Variants in NFKBIZ observed in about 807,000 individuals in gnomAD.
The protein encoded by NFKBIZ is NFKB inhibitor zeta.
In NFKBIZ, 19 loss-of-function variants were observed where a neutral mutation model predicts 76.8. The ratio of observed to expected loss-of-function variants is 0.25; its 90% CI spans 0.17 to 0.36. The LOEUF is 0.36. NFKBIZ is among the 10% of genes least tolerant of loss of function. The pLI, the probability that NFKBIZ is intolerant of heterozygous loss-of-function variation, is 1.00. For missense variants in NFKBIZ, 829 were observed against 910.9 expected, an observed-to-expected ratio of 0.91 and a Z score of 1.16; for synonymous variants, 368 against 354.8, an observed-to-expected ratio of 1.04 and a Z score of -0.42.
At chr3:101,848,182 TA>T (rs1193209199), upstream of NFKBIZ, among the ~76,000 whole-genome samples, 1 of 152,212 alleles carries the variant, frequency 6.6e-6, no homozygotes, top group South Asian at 2.1e-4. Context: ...TTTGCCTACC[TA>T]AAATTCATGT....
At position 101,859,639 on chromosome 3, in the gene NFKBIZ, A is replaced by G. The variant is rs939558137; in HGVS notation, c.*268A>G. 16 of 283,812 alleles carry G rather than the reference A, an allele frequency of 5.6e-5. No homozygotes were observed. 17.6% of individuals were successfully genotyped at this position (283,812 alleles called of 1,614,324 possible). On this transcript the variant is annotated 3_prime_UTR_variant, in exon 12 of 12. Coordinates refer to ENST00000326172, the MANE Select transcript of NFKBIZ (RefSeq NM_031419.4). Reference sequence around the variant, plus strand: ...TCAATGGTAACATTGCCTTCAATTAACAGTAGCTTTTGAGTAGGAAAGGAC... The same window carrying G: ...TCAATGGTAACATTGCCTTCAATTAGCAGTAGCTTTTGAGTAGGAAAGGAC...
At chr3:101,828,298 T>G (rs920952608) in intron 1 of NFKBIZ, 1 of 152,214 alleles carries the variant, frequency 6.6e-6, no homozygotes, top group Admixed American at 6.5e-5. Context: ...CACTCTCCTA[T>G]GTTTGAGTAG....
intron 7 of NFKBIZ, 62 bp downstream of exon 7, chr3:101,855,270 G>A (rs1041020133): frequency 6.3e-7 from 1 of 1,599,260 alleles, no homozygotes; most frequent in African/African-American, 1.3e-5. Flanking sequence ...TTGGATATTA[G>A]AAGTCGGATA....
rs1214387880 is a variant in NFKBIZ, at chr3:101,852,779, C to A, written c.460+11C>A. The A allele has an allele frequency of 3.1e-6, 5 of 1,610,558 alleles. No homozygotes were observed. The highest frequency in any genetic ancestry group is 2.2e-5 in the East Asian group (1 of 44,868). ...TAGAACAGTTCAGAGGTAAGAGTTA[C>A]TTGTATTTGTAATTTTTTCAGGGCT... On this transcript the variant is annotated intron_variant, in intron 3 of 11. Transcript: ENST00000326172.
chr3:101,851,992 ATACAT>A (rs1942972404), intron 1 of NFKBIZ, 88 bp from the exon 2 acceptor site: 1 of 1,475,238 alleles, frequency 6.8e-7, no homozygotes, highest in Admixed American at 2.1e-5. Context: ...TGGGGACTTT[ATACAT>A]TAGGCAACAG....
At chr3:101,855,565 G>A (rs1380298759) in intron 8 of NFKBIZ, 107 bp downstream of exon 8, 3 of 1,299,286 alleles carry the variant, frequency 2.3e-6, no homozygotes, top group Non-Finnish European at 3.3e-6. Flanking sequence ...AAAATATTCT[G>A]TAGGTAAAAT....
intron 11 of NFKBIZ, chr3:101,857,967 T>C: frequency 1.2e-6 from 1 of 831,954 alleles, no homozygotes; most frequent in Non-Finnish European, 1.4e-6. Flanking sequence ...TTATGTAATT[T>C]CAAACCTAGA....
In NFKBIZ at chr3:101,855,744, C is replaced by T; in HGVS notation, c.1666C>T (p.Leu556Phe). The change falls in exon 9 of 12, where the codon CTT (leucine) becomes TTT (phenylalanine). Residue 556 changes from leucine to phenylalanine, a missense_variant. This residue lies in a region of NFKBIZ where 272 missense variants were observed against 384.2 expected (regional missense o/e 0.71). Transcript: ENST00000326172. ...EATNYDGLTP[L>F]HCAVIAHNAV... is the part of the protein sequence containing the mutation. ...TACTTTTCTTCTAGGCCTGACTCCC[C>T]TTCACTGTGCAGTCATAGCCCACAA... The T allele has an allele frequency of 6.3e-7, 1 of 1,599,016 alleles. No homozygotes were observed. Among genetic ancestry groups the T allele is most frequent in the Non-Finnish European group, 8.5e-7 (1 of 1,174,562 alleles).
intron 1 of NFKBIZ, among the ~76,000 whole-genome samples, chr3:101,829,384 G>A (rs1176547054): frequency 4.6e-5 from 7 of 152,178 alleles, no homozygotes; most frequent in Admixed American, 3.3e-4. Context: ...TCCTCACTGA[G>A]GAAGAGGAGG....
In NFKBIZ at chr3:101,853,889, T is replaced by G. The variant is rs74397788; in HGVS notation, c.1337+26T>G. The G allele has an allele frequency of 1.7e-3, 2,662 of 1,596,442 alleles. 46 individuals are homozygous for G. The African/African-American group carries it at 0.031, about 19-fold the overall frequency. ...GTGAGTATTCTTTTATCTCATGTTCTTAATTAGGTAAGCCACACTTGTTGG... is the reference window on the plus strand; with the variant it reads ...GTGAGTATTCTTTTATCTCATGTTCGTAATTAGGTAAGCCACACTTGTTGG... On this transcript the variant is annotated intron_variant, in intron 5 of 11. Transcript: ENST00000326172.
At chr3:101,857,571 A>G (rs1397430186) in intron 11 of NFKBIZ, 112 bp downstream of exon 11, 4 of 1,516,422 alleles carry the variant, frequency 2.6e-6, no homozygotes, top group South Asian at 1.3e-5. Flanking sequence ...GGTGGACTCT[A>G]TCAGTGTCTG....
At position 101,853,591 on chromosome 3, in the gene NFKBIZ, T is replaced by A. The variant is rs1049010369; in HGVS notation, c.1065T>A (p.Asn355Lys). The change falls in exon 5 of 12, where the codon AAT becomes AAA. Residue 355 changes from asparagine (N) to lysine (K), a missense_variant. By Grantham distance (94) the Asn-to-Lys change is moderately conservative (BLOSUM62 0). This residue lies in a region of NFKBIZ where 371 missense variants were observed against 332.3 expected (regional missense o/e 1.12). Coordinates refer to ENST00000326172, the MANE Select transcript of NFKBIZ (RefSeq NM_031419.4). ...GDQRESENIANPMQTSSSVQQ... is the reference protein window; with the variant it reads ...GDQRESENIAKPMQTSSSVQQ... ...AAAGGGAATCTGAGAATATTGCTAA[T>A]CCCATGCAGACTTCCTCCAGTGTTC... The A allele has an allele frequency of 3.1e-6, 5 of 1,614,126 alleles. No individual in the cohort carries two copies. In the Admixed American group the frequency reaches 8.3e-5, roughly 27 times the overall value.
intron 2 of NFKBIZ, among the ~76,000 whole-genome samples, chr3:101,839,446 T>TAATC (rs1285148683): frequency 2.0e-5 from 3 of 152,196 alleles, no homozygotes; most frequent in Non-Finnish European, 2.9e-5. Context: ...ACATAAATTC[T>TAATC]AATCAACATG....
upstream of NFKBIZ, among the ~76,000 whole-genome samples, chr3:101,848,655 C>T (rs1405047600): frequency 6.6e-6 from 1 of 152,160 alleles, no homozygotes; most frequent in Non-Finnish European, 1.5e-5. Flanking sequence ...ATAGGAAAGG[C>T]CAAAATTACT....
intron 1 of NFKBIZ, among the ~76,000 whole-genome samples, chr3:101,829,165 A>G (rs2107388784): frequency 6.6e-6 from 1 of 152,240 alleles, no homozygotes; most frequent in South Asian, 2.1e-4. Flanking sequence ...ACCCCTCTCC[A>G]CCGTCTTTCT....
Position 101,853,286 on chromosome 3 carries a change from T to C in NFKBIZ, c.760T>C (p.Cys254Arg). 2 of 1,614,124 alleles carry C rather than the reference T, an allele frequency of 1.2e-6. No individual in the cohort carries two copies. The highest frequency in any genetic ancestry group is 1.7e-6 in the Non-Finnish European group (2 of 1,180,026). The change falls in exon 5 of 12, where the codon TGT becomes CGT. Residue 254 changes from cysteine to arginine, a missense_variant. Coordinates refer to ENST00000326172, the MANE Select transcript of NFKBIZ (RefSeq NM_031419.4). ...VVPQSSPAEQ[C>R]QDFHGGQVFS... is the part of the protein sequence containing the mutation. Reference sequence around the variant, plus strand: ...CCCTCAGAGCTCCCCCGCAGAGCAGTGTCAGGACTTCCATGGAGGGCAGGT... The same window carrying C: ...CCCTCAGAGCTCCCCCGCAGAGCAGCGTCAGGACTTCCATGGAGGGCAGGT...
At chr3:101,838,271 A>G (rs1344879849) in intron 2 of NFKBIZ, among the ~76,000 whole-genome samples, 2 of 152,226 alleles carry the variant, frequency 1.3e-5, no homozygotes, top group African/African-American at 4.8e-5. Flanking sequence ...ATCTCATGCC[A>G]TATTAGAAAT....
upstream of NFKBIZ, among the ~76,000 whole-genome samples, chr3:101,845,094 C>T (rs192583208): frequency 9.2e-5 from 14 of 151,944 alleles, no homozygotes; most frequent in African/African-American, 3.1e-4. Flanking sequence ...CGGTGAAACC[C>T]CGTCTCTATT....
intron 2 of NFKBIZ, among the ~76,000 whole-genome samples, chr3:101,840,729 C>CTGTG (rs1942775822): frequency 6.6e-6 from 1 of 152,206 alleles, no homozygotes; most frequent in Middle Eastern, 3.2e-3. Flanking sequence ...GGATGTTCAA[C>CTGTG]TGTGTGACCT....
Sources: allele counts gnomAD v4.1 joint callset (sites outside exome capture counted in the v4.1 genomes callset), GRCh38; gene constraint gnomAD v4.1.1; regional missense constraint gnomAD v4.1.1; transcripts MANE v1.5; gene names NCBI Gene and HGNC (gene_info 2026-07-23, HGNC 2026-07-21).